ZCCHC17: variants seen among roughly 807,000 people sequenced by gnomAD.
ZCCHC17 encodes zinc finger CCHC-type containing 17, also known as zinc finger CCHC domain-containing protein 17.
Under a neutral mutation model 30.6 loss-of-function variants are expected in ZCCHC17, and 18 were observed. The ratio of observed to expected loss-of-function variants is 0.59; its 90% CI spans 0.41 to 0.87. The LOEUF (loss-of-function observed/expected upper bound fraction) is 0.87, where lower values mean the gene tolerates loss of function less well. Ranked by LOEUF, ZCCHC17 falls within the 40% of genes least tolerant of loss-of-function variation. ZCCHC17 has a pLI of 0.00. For synonymous variants in ZCCHC17, 88 were observed against 92.4 expected (o/e 0.95, Z 0.27); for missense variants, 263 against 284.2 (o/e 0.93, Z 0.54).
intron 3 of ZCCHC17, among the ~76,000 whole-genome samples, chr1:31,334,335 C>CTGTG (rs1638724271): frequency 8.8e-5 from 5 of 56,720 alleles, no homozygotes; most frequent in African/African-American, 4.0e-4. Flanking sequence ...CTCTCTCTCT[C>CTGTG]TCTGTGTGTG....
intron 3 of ZCCHC17, among the ~76,000 whole-genome samples, chr1:31,336,899 C>T (rs551152610): frequency 5.0e-4 from 76 of 151,312 alleles, no homozygotes; most frequent in African/African-American, 1.7e-3. Flanking sequence ...GTCTTGAACT[C>T]CTGAGCTCAG....
intron 1 of ZCCHC17, among the ~76,000 whole-genome samples, chr1:31,303,042 C>G (rs760287542): frequency 5.3e-5 from 8 of 151,846 alleles, no homozygotes; most frequent in Non-Finnish European, 8.8e-5. Flanking sequence ...CTTTGGGAGG[C>G]TGAGGTAGGA....
In ZCCHC17 at chr1:31,364,411, T is replaced by C. The variant is rs2148491925; in HGVS notation, c.*218T>C. 5 of 724,940 alleles carry C rather than the reference T, an allele frequency of 6.9e-6. No individual in the cohort carries two copies. The South Asian group carries it at 1.2e-4, about 18-fold the overall frequency. The allele number at this position is 724,940 out of a possible 1,614,324, so 44.9% of individuals were successfully genotyped here. A position where few individuals can be genotyped will look rare whatever the true frequency, so the allele number is the denominator to read the frequency against. ...TTGTTTCCTTATCACTCCTGGTCCC[T>C]TTGCAAGTGAACCCTGCAGCTCACC... On this transcript the variant is annotated 3_prime_UTR_variant, in exon 8 of 8. Coordinates refer to ENST00000344147, the MANE Select transcript of ZCCHC17 (RefSeq NM_016505.4).
At chr1:31,319,039 AC>A in intron 2 of ZCCHC17, 69 bp from the exon 3 acceptor site, 1 of 1,539,720 alleles carries the variant, frequency 6.5e-7, no homozygotes, top group Non-Finnish European at 8.9e-7. Flanking sequence ...ATTTGGGGAG[AC>A]TAGGTTAAAT....
chr1:31,338,463 G>A (rs147723412), intron 4 of ZCCHC17, among the ~76,000 whole-genome samples: 3 of 152,300 alleles, frequency 2.0e-5, no homozygotes, highest in African/African-American at 7.2e-5. Flanking sequence ...ATTCCAGGCA[G>A]AGAGAATAAC....
chr1:31,309,968 T>C, intron 1 of ZCCHC17, 76 bp from the exon 2 acceptor site: 2 of 772,654 alleles, frequency 2.6e-6, no homozygotes, highest in Non-Finnish European at 2.2e-6. Context: ...CTGTAGAGAA[T>C]AGCTGTGGAT....
intron 3 of ZCCHC17, among the ~76,000 whole-genome samples, chr1:31,327,871 T>A (rs1299799902): frequency 6.6e-6 from 1 of 152,068 alleles, no homozygotes; most frequent in Non-Finnish European, 1.5e-5. Flanking sequence ...GGTTGAAAAA[T>A]TTAACTTTGA....
At chr1:31,335,798 C>T (rs1286334274) in intron 3 of ZCCHC17, among the ~76,000 whole-genome samples, 1 of 152,164 alleles carries the variant, frequency 6.6e-6, no homozygotes, top group African/African-American at 2.4e-5. Context: ...ACTATCCTTT[C>T]ACCACATTGA....
intron 7 of ZCCHC17, among the ~76,000 whole-genome samples, chr1:31,357,819 G>A (rs1008542836): frequency 1.1e-4 from 17 of 150,772 alleles, no homozygotes; most frequent in Non-Finnish European, 2.4e-4. Flanking sequence ...GCAATGGTGC[G>A]ATCTCAGCTC....
At chr1:31,340,404 G>A (rs559012305) in intron 5 of ZCCHC17, among the ~76,000 whole-genome samples, 11 of 133,158 alleles carry the variant, frequency 8.3e-5, no homozygotes, top group South Asian at 5.2e-4. Context: ...CGCAACCTCC[G>A]CCTCCCAGGT....
At chr1:31,355,526 A>G (rs1639613022) in intron 7 of ZCCHC17, among the ~76,000 whole-genome samples, 1 of 152,222 alleles carries the variant, frequency 6.6e-6, no homozygotes, top group Non-Finnish European at 1.5e-5. Flanking sequence ...GACGTAACTC[A>G]CCGGAAGTCA....
At chr1:31,306,891 A>C (rs1646473455) in intron 1 of ZCCHC17, among the ~76,000 whole-genome samples, 1 of 151,880 alleles carries the variant, frequency 6.6e-6, no homozygotes, top group Admixed American at 6.6e-5. Flanking sequence ...AGGCTAGACT[A>C]TAGTGGGGCC....
chr1:31,350,376 A>C (rs145551733), intron 7 of ZCCHC17, among the ~76,000 whole-genome samples: 1 of 152,158 alleles, frequency 6.6e-6, no homozygotes, highest in African/African-American at 2.4e-5. Flanking sequence ...AAAGTTCTCT[A>C]TACCATTACA....
chr1:31,351,562 G>A (rs1456861989), intron 7 of ZCCHC17, among the ~76,000 whole-genome samples: 9 of 152,124 alleles, frequency 5.9e-5, no homozygotes, highest in Non-Finnish European at 7.4e-5. Context: ...GCAACATAGG[G>A]AGACCCTGTC....
At chr1:31,363,086 T>C (rs577328646) in intron 7 of ZCCHC17, among the ~76,000 whole-genome samples, 5 of 152,298 alleles carry the variant, frequency 3.3e-5, no homozygotes, top group African/African-American at 1.2e-4. Flanking sequence ...GAACCTACAA[T>C]ACATATTATG....
chr1:31,302,701 A>T (rs1051136798), intron 1 of ZCCHC17, among the ~76,000 whole-genome samples: 1 of 152,144 alleles, frequency 6.6e-6, no homozygotes, highest in Non-Finnish European at 1.5e-5. Flanking sequence ...CAGGAAACTT[A>T]TAACTCATGG....
chr1:31,319,204 T>G (rs1646804509), intron 3 of ZCCHC17, 38 bp downstream of exon 3: 1 of 1,555,466 alleles, frequency 6.4e-7, no homozygotes. Flanking sequence ...CCTCTGATTC[T>G]ACTCTCTGCT....
At chr1:31,322,825 G>A (rs138401332) in intron 3 of ZCCHC17, among the ~76,000 whole-genome samples, 6 of 151,856 alleles carry the variant, frequency 4.0e-5, no homozygotes, top group East Asian at 3.9e-4. Context: ...GGGTTCAAGC[G>A]TTTCTCCTGC....
intron 7 of ZCCHC17, among the ~76,000 whole-genome samples, chr1:31,355,967 G>A (rs965213720): frequency 6.6e-6 from 1 of 152,184 alleles, no homozygotes; most frequent in Non-Finnish European, 1.5e-5. Flanking sequence ...GGACTAGTCA[G>A]CTCTGGGAGC....
Sources: allele counts gnomAD v4.1 joint callset (sites outside exome capture counted in the v4.1 genomes callset), GRCh38; gene constraint gnomAD v4.1.1; transcripts MANE v1.5; gene names NCBI Gene and HGNC (gene_info 2026-07-23, HGNC 2026-07-21).